Variants in WDR33 observed in about 807,000 individuals in gnomAD.
WDR33 encodes the protein pre-mRNA 3' end processing protein WDR33.
WDR33 carries 47 observed loss-of-function variants against 164.9 expected under a neutral mutation model. The ratio of observed to expected loss-of-function variants is 0.29; its 90% CI spans 0.23 to 0.36. The LOEUF is 0.36. Among genes scored for constraint, WDR33 ranks in the 10% least tolerant of loss-of-function variants. The pLI, the probability that WDR33 is intolerant of heterozygous loss-of-function variation, is 1.00. For synonymous variants in WDR33, 505 were observed against 589.0 expected, an observed-to-expected ratio of 0.86 and a Z score of 2.06; for missense variants, 1,137 against 1,754.1, an observed-to-expected ratio of 0.65 and a Z score of 6.28.
In WDR33 at chr2:127,723,213, T is replaced by C. The variant is rs752609793; in HGVS notation, c.1291+40A>G. 2.6e-6 allele frequency: 4 copies of C among 1,566,698 alleles called. No individual in the cohort carries two copies. The African/African-American group carries it at 5.4e-5, about 21-fold the overall frequency. On this transcript the variant is annotated intron_variant, in intron 12 of 21. Coordinates refer to ENST00000322313, the MANE Select transcript of WDR33 (RefSeq NM_018383.5). This position sits in a 1 kb window ranked among gnomAD's most constrained non-coding sequence, Gnocchi z 5.9. ...AACATCTAACACTTCTGTAATAGAA[T>C]ACCAGATTTCAAAGAAGGACAGATG...
At position 127,764,593 on chromosome 2, in the gene WDR33, G is replaced by A. The variant is rs796797708; in HGVS notation, c.626+235C>T. 4 of 1,551,860 alleles carry A rather than the reference G, an allele frequency of 2.6e-6. No homozygotes were observed. Among genetic ancestry groups the A allele is most frequent in the South Asian group, 1.2e-5 (1 of 83,940 alleles). ...AAAAGAGAAAACCAGTGCAAAATGC[G>A]GCAGACAGTACATCTCTAACATATT... On this transcript the variant is annotated intron_variant, in intron 6 of 21. Coordinates refer to ENST00000322313, the MANE Select transcript of WDR33 (RefSeq NM_018383.5). The surrounding 1 kb of genome is among the most constrained non-coding windows in gnomAD (Gnocchi z 6.2).
rs534918823 is a variant in WDR33 at position 127,763,968 on chromosome 2, G to C, written c.627-809C>G. 1.0e-6 allele frequency: 1 copy of C among 985,708 alleles called. No homozygotes were observed. Among genetic ancestry groups the C allele is most frequent in the East Asian group, 1.1e-4 (1 of 8,844 alleles). 61.1% of individuals were successfully genotyped at this position (985,708 alleles called of 1,614,324 possible). ...ATCCAACAATTTCTGTTAAGATTCT[G>C]AAAGTATGAACAAATGACTACAGTG... On this transcript the variant is annotated intron_variant, in intron 6 of 21. Coordinates refer to ENST00000322313, the MANE Select transcript of WDR33 (RefSeq NM_018383.5). The surrounding 1 kb of genome is among the most constrained non-coding windows in gnomAD (Gnocchi z 4.5).
At chr2:127,807,139 G>C (rs991813424) in intron 1 of WDR33, among the ~76,000 whole-genome samples, 1 of 152,056 alleles carries the variant, frequency 6.6e-6, no homozygotes, top group Non-Finnish European at 1.5e-5. Flanking sequence ...CAAGTAGCTG[G>C]GATTACAGGA....
chr2:127,724,506 CA>C lies in WDR33; in HGVS notation c.1086-64del, dbSNP rs1558925196. ...AGTTACCCAGCTTCTCCCTCCCCCT[CA>C]AAAAAGACATTTTCTGTTACTCTTA... On this transcript the variant is annotated intron_variant, in intron 10 of 21. Coordinates refer to ENST00000322313, the MANE Select transcript of WDR33 (RefSeq NM_018383.5). The surrounding 1 kb of genome is among the most constrained non-coding windows in gnomAD (Gnocchi z 4.8). The C allele has an allele frequency of 3.6e-6, 5 of 1,388,490 alleles. No individual in the cohort carries two copies. Among genetic ancestry groups the C allele is most frequent in the African/African-American group, 1.4e-5 (1 of 69,540 alleles). The allele number at this position is 1,388,490 out of a possible 1,614,324, so 86.0% of individuals were successfully genotyped here.
chr2:127,768,119 G>T, intron 4 of WDR33, 70 bp downstream of exon 4: 1 of 907,896 alleles, frequency 1.1e-6, no homozygotes, highest in Non-Finnish European at 1.5e-6. Flanking sequence ...AATTTTCTTT[G>T]CCCTGTCAAA....
intron 1 of WDR33, among the ~76,000 whole-genome samples, chr2:127,809,985 T>C (rs892057478): frequency 6.6e-6 from 1 of 152,132 alleles, no homozygotes; most frequent in African/African-American, 2.4e-5. Context: ...ACAACTAGCA[T>C]AACTGTCACT....
At position 127,735,015 on chromosome 2, in the gene WDR33, C is replaced by CA. The variant is rs1170631482; in HGVS notation, c.725-8239dup. On this transcript the variant is annotated intron_variant, in intron 7 of 21. Coordinates refer to ENST00000322313, the MANE Select transcript of WDR33 (RefSeq NM_018383.5). This position sits in a 1 kb window ranked among gnomAD's most constrained non-coding sequence, Gnocchi z 4.3. ...ATAAACCTTAAAATTCTAAGAATAA[C>CA]ATGATAAATGGATTAGGTATTAGAT... Among the ~76,000 whole-genome samples, 1 of 152,110 alleles carries CA rather than the reference C, an allele frequency of 6.6e-6. No homozygotes were observed. The highest frequency in any genetic ancestry group is 1.5e-5 in the Non-Finnish European group (1 of 68,018).
At chr2:127,745,369 G>A (rs76838342) in intron 7 of WDR33, among the ~76,000 whole-genome samples, 25 of 152,240 alleles carry the variant, frequency 1.6e-4, no homozygotes, top group African/African-American at 4.1e-4. Context: ...ATGGGACCAC[G>A]AAGTTCCCAG....
chr2:127,711,782 T>TATATATATATATATATATATA (rs1558919467), intron 18 of WDR33, among the ~76,000 whole-genome samples: 53 of 84,394 alleles, frequency 6.3e-4, no homozygotes, highest in African/African-American at 1.2e-3. Context: ...ATATATATAT[T>TATATATATATATATATATATA]TTTTTTTTGA....
At chr2:127,802,065 C>T (rs1451281067) in intron 1 of WDR33, among the ~76,000 whole-genome samples, 2 of 151,446 alleles carry the variant, frequency 1.3e-5, no homozygotes, top group Non-Finnish European at 2.9e-5. Context: ...CCTGTAGTCC[C>T]AGCTACTCAG....
chr2:127,706,135 C>T lies in WDR33; in HGVS notation c.*188G>A, dbSNP rs182359812. On this transcript the variant is annotated 3_prime_UTR_variant, in exon 22 of 22. Transcript: ENST00000322313. This position sits in a 1 kb window ranked among gnomAD's most constrained non-coding sequence, Gnocchi z 5.1. Reference sequence around the variant, plus strand: ...GGCAATGAGGGTGGACAGGACAGGGCCAGCCAGGCTGGTAGCTGGCAGCAG... The same window carrying T: ...GGCAATGAGGGTGGACAGGACAGGGTCAGCCAGGCTGGTAGCTGGCAGCAG... The T allele has an allele frequency of 6.6e-4, 296 of 449,296 alleles. No individual in the cohort carries two copies. Among genetic ancestry groups the T allele is most frequent in the African/African-American group, 5.5e-3 (274 of 49,484 alleles). 27.8% of individuals were successfully genotyped at this position (449,296 alleles called of 1,614,324 possible).
chr2:127,715,754 T>G (rs1254083298), intron 17 of WDR33, among the ~76,000 whole-genome samples: 2 of 152,190 alleles, frequency 1.3e-5, no homozygotes. Flanking sequence ...TCCCATTACC[T>G]CTATCTGTTT....
chr2:127,737,421 A>G (rs1686878186), intron 7 of WDR33: 1 of 985,442 alleles, frequency 1.0e-6, no homozygotes, highest in African/African-American at 1.7e-5. Flanking sequence ...TCTAGTAAAC[A>G]TTTCTGCAGA....
At chr2:127,749,862 G>C (rs937492571) in intron 7 of WDR33, among the ~76,000 whole-genome samples, 1 of 148,464 alleles carries the variant, frequency 6.7e-6, no homozygotes, top group Non-Finnish European at 1.5e-5. Context: ...TTGAGACGGA[G>C]TCTCACTCTG....
At position 127,719,437 on chromosome 2, in the gene WDR33, C is replaced by T. The variant is rs1439137556; in HGVS notation, c.2588G>A (p.Gly863Glu). The change falls in exon 16 of 22, where the codon GGG becomes GAG. Residue 863 changes from glycine (G) to glutamate (E), a missense_variant. Physicochemically the swap from Gly to Glu is moderately conservative, Grantham distance 98. Transcript: ENST00000322313. The surrounding 1 kb of genome is among the most constrained non-coding windows in gnomAD (Gnocchi z 6.5). ...RGPPGSQSQQ[G>E]PPQGSLGPPP... The stretch of plus-strand genomic sequence containing the variant: ...AGGTCCTAAAGAGCCCTGGGGCGGC[C>T]CCTGCTGACTTTGTGAGCCTGGAGG... 11 of 1,568,316 alleles carry T rather than the reference C, an allele frequency of 7.0e-6. No homozygotes were observed. In the South Asian group the frequency reaches 1.2e-4, roughly 17 times the overall value.
At chr2:127,773,759 T>C (rs1688088494) in intron 1 of WDR33, among the ~76,000 whole-genome samples, 1 of 152,138 alleles carries the variant, frequency 6.6e-6, no homozygotes, top group African/African-American at 2.4e-5. Context: ...AATAAAGCAG[T>C]TCTGGTAAGC....
chr2:127,786,263 A>G (rs1158773881), intron 1 of WDR33, among the ~76,000 whole-genome samples: 2 of 152,160 alleles, frequency 1.3e-5, no homozygotes, highest in South Asian at 2.1e-4. Flanking sequence ...TGGAACTCCT[A>G]GGCTCAAGCG....
intron 1 of WDR33, among the ~76,000 whole-genome samples, chr2:127,802,531 C>G (rs568323567): frequency 1.3e-5 from 2 of 152,142 alleles, no homozygotes; most frequent in African/African-American, 2.4e-5. Flanking sequence ...ATCTGCCCCC[C>G]TCGGCCTCCC....
chr2:127,808,226 C>T (rs1349283577), intron 1 of WDR33, among the ~76,000 whole-genome samples: 2 of 152,108 alleles, frequency 1.3e-5, no homozygotes, highest in Admixed American at 6.5e-5. Context: ...ATATGAGGCA[C>T]TTTTTACCTT....
Sources: gnomAD v4.1 joint callset for allele counts (sites outside exome capture counted in the v4.1 genomes callset) on GRCh38, gnomAD v4.1.1 for gene constraint, Gnocchi (gnomAD v3.1) non-coding constraint, MANE v1.5 for transcripts, NCBI Gene and HGNC (gene_info 2026-07-23, HGNC 2026-07-21) for gene names.